RBMS3: variants seen among roughly 807,000 people sequenced by gnomAD.
The protein encoded by RBMS3 is RNA binding motif single stranded interacting protein 3.
Under a neutral mutation model 66.8 loss-of-function variants are expected in RBMS3, and 27 were observed. The observed-to-expected ratio is 0.40, with a 90% CI of 0.30 to 0.56. The LOEUF is 0.56. Ranked by LOEUF, RBMS3 falls within the 20% of genes least tolerant of loss-of-function variation. The probability of loss-of-function intolerance (pLI) is 0.40; values close to 1 mark genes in which losing one functional copy is unlikely to be tolerated. For synonymous variants in RBMS3, 188 were observed against 183.0 expected, an observed-to-expected ratio of 1.03 and a Z score of -0.22; for missense variants, 513 against 549.5, an observed-to-expected ratio of 0.93 and a Z score of 0.66.
chr3:29,546,585 T>C (rs150297480), intron 3 of RBMS3, among the ~76,000 whole-genome samples: 1 of 152,344 alleles, frequency 6.6e-6, no homozygotes, highest in Non-Finnish European at 1.5e-5. Flanking sequence ...ATTACAGTTC[T>C]GGAAGAAAAA....
At chr3:29,358,866 A>G (rs1373181208) in intron 1 of RBMS3, among the ~76,000 whole-genome samples, 1 of 152,088 alleles carries the variant, frequency 6.6e-6, no homozygotes, top group East Asian at 1.9e-4. Flanking sequence ...TTGGTGTGTA[A>G]GAATGCTTGT....
chr3:29,867,065 G>T (rs1469553632), intron 6 of RBMS3, among the ~76,000 whole-genome samples: 1 of 151,996 alleles, frequency 6.6e-6, no homozygotes, highest in African/African-American at 2.4e-5. Context: ...TGAGCTAAAA[G>T]GATTTGACAA....
chr3:29,305,465 C>G (rs1374215673), intron 1 of RBMS3, among the ~76,000 whole-genome samples: 1 of 151,928 alleles, frequency 6.6e-6, no homozygotes, highest in African/African-American at 2.4e-5. Context: ...GAATAACCAG[C>G]TGCCCCTCAG....
At chr3:29,315,887 T>A (rs542065380) in intron 1 of RBMS3, among the ~76,000 whole-genome samples, 127 of 151,884 alleles carry the variant, frequency 8.4e-4, no homozygotes, top group African/African-American at 2.9e-3. Flanking sequence ...TGATTCACTT[T>A]CCCACAAACA....
chr3:29,929,376 TTATC>T (rs1365422882), intron 10 of RBMS3, among the ~76,000 whole-genome samples: 1 of 152,214 alleles, frequency 6.6e-6, no homozygotes, highest in Non-Finnish European at 1.5e-5. Flanking sequence ...AGAATCCTAA[TTATC>T]TATGTACCTG....
At chr3:29,417,930 C>A (rs953481738) in intron 1 of RBMS3, among the ~76,000 whole-genome samples, 2 of 152,244 alleles carry the variant, frequency 1.3e-5, no homozygotes, top group East Asian at 3.9e-4. Flanking sequence ...TACTCCATCT[C>A]ATAATGGAAC....
intron 1 of RBMS3, among the ~76,000 whole-genome samples, chr3:29,419,168 G>A (rs2040599871): frequency 1.3e-5 from 2 of 152,132 alleles, no homozygotes; most frequent in African/African-American, 4.8e-5. Flanking sequence ...ATACAGGTAA[G>A]TATAGACCAT....
At chr3:29,321,495 GGATGA>G (rs1361386990) in intron 1 of RBMS3, among the ~76,000 whole-genome samples, 1 of 152,046 alleles carries the variant, frequency 6.6e-6, no homozygotes, top group Non-Finnish European at 1.5e-5. Context: ...TGTTTCTAAA[GGATGA>G]GATAAGAAAG....
chr3:29,832,647 T>C (rs2058403221), intron 6 of RBMS3, among the ~76,000 whole-genome samples: 1 of 152,192 alleles, frequency 6.6e-6, no homozygotes, highest in Non-Finnish European at 1.5e-5. Flanking sequence ...TATGGGATGC[T>C]GCCCAAGACA....
intron 1 of RBMS3, among the ~76,000 whole-genome samples, chr3:29,378,400 A>G (rs2038590664): frequency 6.6e-6 from 1 of 151,406 alleles, no homozygotes; most frequent in Non-Finnish European, 1.5e-5. Context: ...TGAAACCCGG[A>G]GGCGGAGCTT....
chr3:29,975,774 G>T (rs1697541770), intron 12 of RBMS3, among the ~76,000 whole-genome samples: 3 of 151,650 alleles, frequency 2.0e-5, no homozygotes. Context: ...TAGTATACAT[G>T]CTTCAACTTT....
At chr3:29,354,472 A>C (rs1575600134) in intron 1 of RBMS3, among the ~76,000 whole-genome samples, 1 of 152,102 alleles carries the variant, frequency 6.6e-6, no homozygotes, top group Admixed American at 6.6e-5. Flanking sequence ...ACCCATTTGC[A>C]TGCATACATA....
At chr3:29,730,709 A>C (rs1263365920) in intron 4 of RBMS3, among the ~76,000 whole-genome samples, 1 of 152,186 alleles carries the variant, frequency 6.6e-6, no homozygotes, top group African/African-American at 2.4e-5. Flanking sequence ...GCAGTGAATT[A>C]AACTCTGAGA....
At chr3:29,363,123 A>G (rs1341450996) in intron 1 of RBMS3, among the ~76,000 whole-genome samples, 1 of 152,108 alleles carries the variant, frequency 6.6e-6, no homozygotes, top group African/African-American at 2.4e-5. Context: ...TTTTTAGTTG[A>G]ACTTGGCCTC....
intron 6 of RBMS3, among the ~76,000 whole-genome samples, chr3:29,833,810 G>A (rs934781527): frequency 1.3e-5 from 2 of 151,956 alleles, no homozygotes; most frequent in Non-Finnish European, 2.9e-5. Context: ...CGAGAGATGT[G>A]AACATCCAGG....
At chr3:29,898,768 T>TGTGTGTGTGTGTGTGTG (rs1559780483) in intron 9 of RBMS3, among the ~76,000 whole-genome samples, 3 of 150,580 alleles carry the variant, frequency 2.0e-5, no homozygotes, top group African/African-American at 7.3e-5. Context: ...TGTGTGTGTG[T>TGTGTGTGTGTGTGTGTG]TTCCTTTTTT....
chr3:29,693,754 A>G (rs1030591662), intron 4 of RBMS3, among the ~76,000 whole-genome samples: 3 of 152,196 alleles, frequency 2.0e-5, no homozygotes, highest in Non-Finnish European at 4.4e-5. Context: ...AGCTGTACAT[A>G]ATGATAATTT....
rs570763960 is a variant in RBMS3, at chr3:29,814,992, C to A, written c.637+52003C>A. Reference sequence around the variant, plus strand: ...TAAGAGGATGCATCTCTTGGAGGAACTGATGTTTGGAAAAAGACATCCTGA... The same window carrying A: ...TAAGAGGATGCATCTCTTGGAGGAAATGATGTTTGGAAAAAGACATCCTGA... On this transcript the variant is annotated intron_variant, in intron 6 of 14. Transcript: ENST00000383767. Among the ~76,000 whole-genome samples the A allele has an allele frequency of 7.2e-5, 11 of 152,258 alleles. No homozygotes were observed. In the East Asian group the frequency reaches 2.1e-3, roughly 29 times the overall value.
chr3:29,362,681 A>C (rs75991352), intron 1 of RBMS3, among the ~76,000 whole-genome samples: 16,878 of 152,214 alleles, frequency 0.11, 1,111 homozygotes, highest in East Asian at 0.23. Context: ...CCACAATTTT[A>C]ACCTAAATGA....
Sources: allele counts gnomAD v4.1 joint callset (sites outside exome capture counted in the v4.1 genomes callset), GRCh38; gene constraint gnomAD v4.1.1; transcripts MANE v1.5; gene names NCBI Gene and HGNC (gene_info 2026-07-23, HGNC 2026-07-21).